Variants in GALM observed in about 807,000 individuals in gnomAD.
GALM encodes the protein galactose mutarotase.
GALM carries 43 observed loss-of-function variants against 37.4 expected under a neutral mutation model. That is an observed-to-expected ratio of 1.15 (90% confidence interval 0.90 to 1.48). The LOEUF is 1.48. GALM is among the 40% of genes most tolerant of loss of function. GALM has a pLI of 0.00. For synonymous variants in GALM, 199 were observed against 170.6 expected (o/e 1.17, Z -1.30); for missense variants, 456 against 419.1 (o/e 1.09, Z -0.77).
intron 4 of GALM, 55 bp from the exon 5 acceptor site, chr2:38,729,501 T>TATA: frequency 6.4e-7 from 1 of 1,556,378 alleles, no homozygotes; most frequent in Non-Finnish European, 8.8e-7. Flanking sequence ...GGAGGCTCTA[T>TATA]ATAAAGATGA....
rs147215949 is a variant in GALM at position 38,723,460 on chromosome 2, G to A, written c.635-6096G>A. The stretch of plus-strand genomic sequence containing the variant: ...AGAAGTTTCTTTAGTGCCAATGAGC[G>A]TTCTTTCAGAACAGTATGTAACATT... On this transcript the variant is annotated intron_variant, in intron 4 of 6. Transcript: ENST00000272252. Among the ~76,000 whole-genome samples, 56 of 152,252 alleles carry A rather than the reference G, an allele frequency of 3.7e-4. No homozygotes were observed. In the East Asian group the frequency reaches 4.8e-3, roughly 13 times the overall value.
intron 4 of GALM, among the ~76,000 whole-genome samples, chr2:38,709,043 G>C (rs1375752799): frequency 6.6e-6 from 1 of 152,198 alleles, no homozygotes; most frequent in Non-Finnish European, 1.5e-5. Flanking sequence ...TTTTATCAGA[G>C]AGGAGGAGCA....
chr2:38,701,735 A>G lies in GALM; in HGVS notation c.634+11841A>G, dbSNP rs1057492165. On this transcript the variant is annotated intron_variant, in intron 4 of 6. Transcript: ENST00000272252. ...AATTACCTCCCTGGGGCAGGTCTCT[A>G]TCTCTGCCTTGGAGAAATAGCAAAG... Among the ~76,000 whole-genome samples, 6 of 152,172 alleles carry G rather than the reference A, an allele frequency of 3.9e-5. No individual in the cohort carries two copies. In the South Asian group the frequency reaches 8.3e-4, roughly 21 times the overall value.
intron 3 of GALM, among the ~76,000 whole-genome samples, chr2:38,683,046 G>A (rs1665436521): frequency 6.6e-6 from 1 of 152,086 alleles, no homozygotes. Context: ...AAAAAACTCG[G>A]TGATAATTCT....
chr2:38,700,534 A>C (rs1177198724), intron 4 of GALM, among the ~76,000 whole-genome samples: 1 of 151,904 alleles, frequency 6.6e-6, no homozygotes, highest in African/African-American at 2.4e-5. Context: ...GTTTCATCTG[A>C]TACAAGTACA....
Position 38,729,649 on chromosome 2 carries a change from A to G in GALM, c.728A>G (p.Asp243Gly). ...HLQDFHLNGF[D>G]HNFCLKGSKE... is the part of the protein sequence containing the mutation. ...CAGGACTTCCATCTCAATGGTTTTG[A>G]CCACAATTTCTGTCTGAAGGGATCT... The change falls in exon 5 of 7, where the codon GAC becomes GGC. Residue 243 changes from aspartate (D) to glycine (G), a missense_variant. Coordinates refer to ENST00000272252, the MANE Select transcript of GALM (RefSeq NM_138801.3). 1 of 1,613,732 alleles carries G rather than the reference A, an allele frequency of 6.2e-7. No homozygotes were observed. Among genetic ancestry groups the G allele is most frequent in the East Asian group, 2.2e-5 (1 of 44,856 alleles).
chr2:38,676,127 G>A (rs1233412155), intron 2 of GALM, 61 bp downstream of exon 2: 10 of 1,541,946 alleles, frequency 6.5e-6, no homozygotes, highest in Non-Finnish European at 9.0e-6. Flanking sequence ...CCTTCTGCTT[G>A]CCAGGCACAG....
intron 1 of GALM, among the ~76,000 whole-genome samples, chr2:38,673,893 T>C (rs1229771366): frequency 1.3e-5 from 2 of 152,108 alleles, no homozygotes; most frequent in Non-Finnish European, 2.9e-5. Flanking sequence ...TGAAGATATT[T>C]GATAAATGAA....
intron 4 of GALM, among the ~76,000 whole-genome samples, chr2:38,697,238 T>C (rs960558057): frequency 1.3e-5 from 2 of 152,152 alleles, no homozygotes; most frequent in African/African-American, 4.8e-5. Context: ...ATCACCTACA[T>C]TCCTCGGATT....
At position 38,714,505 on chromosome 2, in the gene GALM, G is replaced by A. The variant is rs1666231326; in HGVS notation, c.635-15051G>A. Among the ~76,000 whole-genome samples, 3 of 152,126 alleles carry A rather than the reference G, an allele frequency of 2.0e-5. No homozygotes were observed. In the South Asian group the frequency reaches 6.2e-4, roughly 32 times the overall value. ...ACTGGGATTACAGGTGAGCCACTGC[G>A]CCCGGCTGAACTACACTTTGAAACA... On this transcript the variant is annotated intron_variant, in intron 4 of 6. Transcript: ENST00000272252.
At chr2:38,711,331 TG>T in intron 4 of GALM, among the ~76,000 whole-genome samples, 1 of 152,206 alleles carries the variant, frequency 6.6e-6, no homozygotes, top group Non-Finnish European at 1.5e-5. Context: ...GGCTAATTTT[TG>T]TATTTTTTAG....
chr2:38,723,731 C>G (rs970609536), intron 4 of GALM, among the ~76,000 whole-genome samples: 2 of 151,816 alleles, frequency 1.3e-5, no homozygotes, highest in African/African-American at 4.8e-5. Flanking sequence ...TTTGAGGCTG[C>G]AGTAAGCTAT....
At chr2:38,698,014 G>A (rs1030069212) in intron 4 of GALM, among the ~76,000 whole-genome samples, 42 of 151,800 alleles carry the variant, frequency 2.8e-4, no homozygotes, top group South Asian at 1.9e-3. Context: ...TGCAGTCTCG[G>A]CCCACTGCAG....
intron 4 of GALM, among the ~76,000 whole-genome samples, chr2:38,690,641 C>G (rs1164324118): frequency 6.6e-6 from 1 of 152,134 alleles, no homozygotes; most frequent in Non-Finnish European, 1.5e-5. Flanking sequence ...CCACGTTGCC[C>G]AGGCTGGTCT....
At chr2:38,722,625 G>A (rs1424089249) in intron 4 of GALM, among the ~76,000 whole-genome samples, 2 of 152,168 alleles carry the variant, frequency 1.3e-5, no homozygotes, top group Non-Finnish European at 2.9e-5. Context: ...TCTGTCTGAG[G>A]GTACCCCTTC....
At chr2:38,722,851 G>A (rs540865987) in intron 4 of GALM, among the ~76,000 whole-genome samples, 11 of 152,316 alleles carry the variant, frequency 7.2e-5, no homozygotes, top group African/African-American at 2.4e-4. Context: ...ACTCCAGAGG[G>A]AGGTGGAAAG....
intron 1 of GALM, among the ~76,000 whole-genome samples, chr2:38,672,406 T>C (rs540907044): frequency 2.6e-5 from 4 of 152,094 alleles, no homozygotes; most frequent in Non-Finnish European, 5.9e-5. Context: ...GGTTAACCAG[T>C]GTATGGGCTT....
chr2:38,685,741 G>A (rs950817906), intron 3 of GALM, among the ~76,000 whole-genome samples: 5 of 151,444 alleles, frequency 3.3e-5, no homozygotes, highest in African/African-American at 4.9e-5. Flanking sequence ...TTTTTGAGAC[G>A]GAGTCTCACT....
intron 4 of GALM, among the ~76,000 whole-genome samples, chr2:38,709,882 G>A (rs1301749824): frequency 1.3e-5 from 2 of 152,170 alleles, no homozygotes; most frequent in East Asian, 3.8e-4. Flanking sequence ...GTGCCCATGA[G>A]CCCCTTTACC....
Sources: allele counts gnomAD v4.1 joint callset (sites outside exome capture counted in the v4.1 genomes callset), GRCh38; gene constraint gnomAD v4.1.1; transcripts MANE v1.5; gene names NCBI Gene and HGNC (gene_info 2026-07-23, HGNC 2026-07-21).